Variants in SLC34A2 observed in about 807,000 individuals in gnomAD.
SLC34A2 encodes solute carrier family 34 member 2, also known as sodium-dependent phosphate transport protein 2B.
SLC34A2 carries 41 observed loss-of-function variants against 50.8 expected under a neutral mutation model. The observed-to-expected ratio is 0.81, with a 90% CI of 0.63 to 1.05. The LOEUF is 1.05. Ranked by LOEUF, SLC34A2 falls within the 50% of genes least tolerant of loss-of-function variation. SLC34A2 has a pLI of 0.00. For missense variants in SLC34A2, 879 were observed against 876.7 expected, an observed-to-expected ratio of 1.00 and a Z score of -0.03; for synonymous variants, 401 against 364.2, an observed-to-expected ratio of 1.10 and a Z score of -1.15.
At position 25,674,375 on chromosome 4, in the gene SLC34A2, C is replaced by T. The variant is rs751360382; in HGVS notation, c.1296C>T (p.Ser432=). The T allele has an allele frequency of 6.2e-7, 1 of 1,614,224 alleles. No individual in the cohort carries two copies. Among genetic ancestry groups the T allele is most frequent in the Admixed American group, 1.7e-5 (1 of 60,034 alleles). ...VGAGMTFIVQ[S]SSVFTSALTP... ...CAGGCATGACCTTCATCGTACAGAG[C>T]AGCTCTGTGTTCACGTCGGCCTTGA... Residue 432 remains serine (S), a synonymous_variant, in exon 11 of 13, where the codon AGC becomes AGT. Coordinates refer to ENST00000382051, the MANE Select transcript of SLC34A2 (RefSeq NM_006424.3).
At chr4:25,661,949 T>G (rs1002832623) in intron 1 of SLC34A2, among the ~76,000 whole-genome samples, 3 of 151,572 alleles carry the variant, frequency 2.0e-5, no homozygotes, top group African/African-American at 7.3e-5. Context: ...CTCAGCTCAC[T>G]GCAACCTCTG....
Position 25,677,963 on chromosome 4 carries a change from T to C in SLC34A2, c.*1214T>C, listed in dbSNP as rs1443660595. Reference sequence around the variant, plus strand: ...TGCCCAGTGAACTGGGATCATTAAGTACAGTCGAGCACACGTGTGTGCATG... The same window carrying C: ...TGCCCAGTGAACTGGGATCATTAAGCACAGTCGAGCACACGTGTGTGCATG... On this transcript the variant is annotated 3_prime_UTR_variant, in exon 13 of 13. Transcript: ENST00000382051. 1 of 152,206 alleles carries C rather than the reference T, an allele frequency of 6.6e-6. No individual in the cohort carries two copies. Among genetic ancestry groups the C allele is most frequent in the Non-Finnish European group, 1.5e-5 (1 of 68,090 alleles). 9.4% of individuals were successfully genotyped at this position (152,206 alleles called of 1,614,324 possible).
At chr4:25,675,801 C>T (rs2109061980) in intron 12 of SLC34A2, among the ~76,000 whole-genome samples, 1 of 152,276 alleles carries the variant, frequency 6.6e-6, no homozygotes. Flanking sequence ...GAGCCAGGCT[C>T]CCAGGATGTG....
intron 1 of SLC34A2, among the ~76,000 whole-genome samples, chr4:25,661,679 C>T (rs1281148060): frequency 1.3e-5 from 2 of 152,036 alleles, no homozygotes; most frequent in Non-Finnish European, 2.9e-5. Context: ...TGAGCCACCT[C>T]GCCTGGCCCC....
chr4:25,669,320 T>C (rs1346739702), intron 6 of SLC34A2, among the ~76,000 whole-genome samples: 2 of 152,148 alleles, frequency 1.3e-5, no homozygotes, highest in Non-Finnish European at 2.9e-5. Flanking sequence ...TTCATACTGG[T>C]CCCCACCTTT....
intron 7 of SLC34A2, 74 bp downstream of exon 7, chr4:25,669,916 ATAGAGTGTCTACAACAC>A: frequency 7.7e-7 from 1 of 1,303,762 alleles, no homozygotes; most frequent in South Asian, 1.2e-5. Flanking sequence ...GCTGACAGAT[ATAGAGTGTCTACAACAC>A]TATTCTGGGC....
intron 1 of SLC34A2, 74 bp from the exon 2 acceptor site, chr4:25,662,424 G>C (rs113662703): frequency 1.0e-5 from 14 of 1,354,066 alleles, no homozygotes; most frequent in African/African-American, 2.9e-5. Context: ...TGCAACCAAT[G>C]GTTCTTCCTC....
Position 25,664,254 on chromosome 4 carries a change from G to T in SLC34A2, c.303G>T (p.Leu101Phe). Residue 101 changes from leucine (L) to phenylalanine (F), a missense_variant, in exon 4 of 13, where the codon TTG becomes TTT. Coordinates refer to ENST00000382051, the MANE Select transcript of SLC34A2 (RefSeq NM_006424.3). The stretch of plus-strand genomic sequence containing the variant: ...GTTTCTTCCAAGGGATTGGGAGATT[G>T]ATTTTACTTCTCGGATTTCTCTACT... ...ILCFFQGIGR[L>F]ILLLGFLYFF... 1 of 1,612,906 alleles carries T rather than the reference G, an allele frequency of 6.2e-7. No individual in the cohort carries two copies. Among genetic ancestry groups the T allele is most frequent in the South Asian group, 1.1e-5 (1 of 91,008 alleles).
chr4:25,664,433 A>G (rs1714381731), intron 4 of SLC34A2, 103 bp downstream of exon 4: 1 of 1,339,430 alleles, frequency 7.5e-7, no homozygotes, highest in African/African-American at 1.4e-5. Flanking sequence ...AGCCTCCTGG[A>G]GTGTTTTAGG....
At chr4:25,674,749 G>A (rs977586697) in intron 12 of SLC34A2, 120 bp downstream of exon 12, 5 of 1,351,262 alleles carry the variant, frequency 3.7e-6, no homozygotes, top group Non-Finnish European at 2.0e-6. Context: ...GAACTAATAT[G>A]TGGAGGGGAA....
chr4:25,672,993 G>C, intron 9 of SLC34A2, 94 bp from the exon 10 acceptor site: 1 of 1,383,940 alleles, frequency 7.2e-7, no homozygotes, highest in Non-Finnish European at 1.0e-6. Context: ...CCAGGAATCT[G>C]TTTGTAGGAA....
rs749958785 is a variant in SLC34A2, at chr4:25,674,333, G to A, written c.1254G>A (p.Leu418=). Residue 418 remains leucine, a synonymous_variant, in exon 11 of 13, where the codon CTG becomes CTA. Coordinates refer to ENST00000382051, the MANE Select transcript of SLC34A2 (RefSeq NM_006424.3). ...PFPFAWLTGY[L]AILVGAGMTF... ...CCTTTGCATGGTTGACTGGCTACCT[G>A]GCCATCCTCGTCGGGGCAGGCATGA... is the stretch of plus-strand genomic sequence containing the variant. The A allele has an allele frequency of 2.5e-6, 4 of 1,614,050 alleles. No homozygotes were observed. In the East Asian group the frequency reaches 8.9e-5, roughly 36 times the overall value.
intron 10 of SLC34A2, 87 bp from the exon 11 acceptor site, chr4:25,674,207 ACC>A (rs1318369719): frequency 5.0e-5 from 44 of 874,474 alleles, no homozygotes; most frequent in Non-Finnish European, 8.1e-5. Flanking sequence ...ATGATGTACA[ACC>A]TCACCCCTAA....
Position 25,671,723 on chromosome 4 carries a change from T to C in SLC34A2, c.1048+2T>C, listed in dbSNP as rs1714826875. ...CCTACAAGGAGAACATCGCCAAATG[T>C]GAGTGGAGCTCAGTGGATTGGCCAC... On this transcript the variant is annotated splice_donor_variant, in intron 9 of 12. Coordinates refer to ENST00000382051, the MANE Select transcript of SLC34A2 (RefSeq NM_006424.3). LOFTEE classifies it high-confidence loss of function. 1 of 1,614,204 alleles carries C rather than the reference T, an allele frequency of 6.2e-7. No individual in the cohort carries two copies. The highest frequency in any genetic ancestry group is 8.5e-7 in the Non-Finnish European group (1 of 1,180,036).
intron 9 of SLC34A2, 72 bp from the exon 10 acceptor site, chr4:25,673,014 TG>T (rs1560240867): frequency 6.7e-7 from 1 of 1,496,422 alleles, no homozygotes. Flanking sequence ...AGACAGGATC[TG>T]GGGGAATAAA....
chr4:25,677,005 A>C lies in SLC34A2; in HGVS notation c.*256A>C, dbSNP rs1715173223. 2 of 533,438 alleles carry C rather than the reference A, an allele frequency of 3.7e-6. No individual in the cohort carries two copies. The highest frequency in any genetic ancestry group is 1.9e-5 in the African/African-American group (1 of 52,784). The allele number at this position is 533,438 out of a possible 1,614,324, so 33.0% of individuals were successfully genotyped here. On this transcript the variant is annotated 3_prime_UTR_variant, in exon 13 of 13. Transcript: ENST00000382051. ...GATGGTACCTAAAGAGAATTAGAGA[A>C]TGAACCTGGCGGGACGGATGTCTAA...
At chr4:25,658,333 G>A (rs1486174710) in intron 1 of SLC34A2, among the ~76,000 whole-genome samples, 1 of 152,188 alleles carries the variant, frequency 6.6e-6, no homozygotes, top group Non-Finnish European at 1.5e-5. Context: ...CTGCCATTCT[G>A]ATGGGAGACT....
Position 25,671,595 on chromosome 4 carries a change from A to G in SLC34A2, c.928-6A>G. On this transcript the variant is annotated splice_polypyrimidine_tract_variant and splice_region_variant and intron_variant, in intron 8 of 12. Transcript: ENST00000382051. The stretch of plus-strand genomic sequence containing the variant: ...GTTGTGGGCATTTGTCATGTTTGTC[A>G]TCCAGACCCAGATTAACGTCACTGT... 1 of 1,614,050 alleles carries G rather than the reference A, an allele frequency of 6.2e-7. No individual in the cohort carries two copies. Among genetic ancestry groups the G allele is most frequent in the South Asian group, 1.1e-5 (1 of 91,078 alleles).
chr4:25,667,448 G>T (rs529765436), intron 5 of SLC34A2, among the ~76,000 whole-genome samples: 2 of 152,332 alleles, frequency 1.3e-5, no homozygotes, highest in South Asian at 2.1e-4. Context: ...GGAGGTAGAG[G>T]TTGCAGTGAG....
Sources: allele counts gnomAD v4.1 joint callset (sites outside exome capture counted in the v4.1 genomes callset), GRCh38; gene constraint gnomAD v4.1.1; transcripts MANE v1.5; gene names NCBI Gene and HGNC (gene_info 2026-07-23, HGNC 2026-07-21).